The following ARHGEF5 variants were observed in gnomAD, a reference collection of about 807,000 sequenced individuals.
ARHGEF5 encodes Rho guanine nucleotide exchange factor (GEF) 5.
Under a neutral mutation model 104.0 loss-of-function variants are expected in ARHGEF5, and 11 were observed. That is an observed-to-expected ratio of 0.11 (90% CI 0.07 to 0.18). ARHGEF5 has a LOEUF of 0.18. Among genes scored for constraint, ARHGEF5 ranks in the 10% least tolerant of loss-of-function variants. The pLI is 1.00. For synonymous variants in ARHGEF5, 60 were observed against 512.2 expected (o/e 0.12, Z 11.92); for missense variants, 165 against 1,335.4 (o/e 0.12, Z 13.66).
chr7:144,366,915 G>A lies in ARHGEF5; in HGVS notation c.3277+5G>A, dbSNP rs1444600176. 5.1e-6 allele frequency: 2 copies of A among 392,582 alleles called. 1 individual carries two copies. Among genetic ancestry groups the A allele is most frequent in the Non-Finnish European group, 7.5e-6 (2 of 267,446 alleles). The allele number at this position is 392,582 out of a possible 1,614,324, so 24.3% of individuals were successfully genotyped here. A position where few individuals can be genotyped will look rare whatever the true frequency, so the allele number is the denominator to read the frequency against. On this transcript the variant is annotated splice_donor_5th_base_variant and intron_variant, in intron 4 of 14. Transcript: ENST00000056217. ...GCTCCAAACTCATCAACTCCTGTGAGTACCTTGAAGTGGAACTATAGAACC... is the reference window on the plus strand; with the variant it reads ...GCTCCAAACTCATCAACTCCTGTGAATACCTTGAAGTGGAACTATAGAACC...
At chr7:144,378,929 G>T in intron 14 of ARHGEF5, 63 bp downstream of exon 14, 2 of 1,464,870 alleles carry the variant, frequency 1.4e-6, no homozygotes, top group South Asian at 2.3e-5. Flanking sequence ...CTGGGAGTGT[G>T]TTCACTTCCT....
intron 1 of ARHGEF5, among the ~76,000 whole-genome samples, chr7:144,360,834 ACAT>A (rs2053632324): frequency 7.0e-6 from 1 of 142,394 alleles, no homozygotes. Context: ...CAAAATACAC[ACAT>A]CATTATATAA....
intron 5 of ARHGEF5, among the ~76,000 whole-genome samples, chr7:144,370,460 G>A (rs1357239031): frequency 6.6e-6 from 1 of 151,304 alleles, no homozygotes; most frequent in African/African-American, 2.4e-5. Context: ...AATTTATTTA[G>A]TTTAGTTAGT....
At chr7:144,379,282 C>T (rs1012627462) in intron 14 of ARHGEF5, among the ~76,000 whole-genome samples, 1 of 152,086 alleles carries the variant, frequency 6.6e-6, no homozygotes, top group Non-Finnish European at 1.5e-5. Flanking sequence ...TGCAGTGGCG[C>T]AATCTTGGCT....
chr7:144,379,355 G>A (rs1214182737), intron 14 of ARHGEF5, among the ~76,000 whole-genome samples: 7 of 152,208 alleles, frequency 4.6e-5, no homozygotes, highest in South Asian at 2.1e-4. Flanking sequence ...AAGTAGCTGC[G>A]TGAGCCACCA....
chr7:144,360,829 TAC>T (rs1356284930), intron 1 of ARHGEF5, among the ~76,000 whole-genome samples: 1 of 141,802 alleles, frequency 7.1e-6, no homozygotes, highest in South Asian at 2.3e-4. Context: ...TAACTCAAAA[TAC>T]ACACATCATT....
chr7:144,380,036 C>G lies in ARHGEF5; in HGVS notation c.4774C>G (p.Leu1592Val), dbSNP rs1436036899. Reference protein sequence around the residue: ...AHRVKTAKLQLVEQQA With the variant: ...AHRVKTAKLQVVEQQA ...TCGAGTCAAGACTGCCAAACTACAG[C>G]TGGTGGAACAGCAAGCCTAAGTCTT... Residue 1592 changes from leucine (L) to valine (V), a missense_variant, in exon 15 of 15, where the codon CTG (leucine) becomes GTG (valine). By Grantham distance (32) the Leu-to-Val change is conservative (BLOSUM62 1). Transcript: ENST00000056217. 2 of 1,614,094 alleles carry G rather than the reference C, an allele frequency of 1.2e-6. No homozygotes were observed. The highest frequency in any genetic ancestry group is 1.7e-6 in the Non-Finnish European group (2 of 1,180,042).
At position 144,378,745 on chromosome 7, in the gene ARHGEF5, A is replaced by T; in HGVS notation, c.4532-17A>T. 6.2e-7 allele frequency: 1 copy of T among 1,606,968 alleles called. No homozygotes were observed. On this transcript the variant is annotated splice_polypyrimidine_tract_variant and intron_variant, in intron 13 of 14. Coordinates refer to ENST00000056217, the MANE Select transcript of ARHGEF5 (RefSeq NM_005435.4). ...CCTGCCTCTCCTAACCTCTCTTCACACTCTTCTCTTCCAAAGACTCCCCCC... is the reference window on the plus strand; with the variant it reads ...CCTGCCTCTCCTAACCTCTCTTCACTCTCTTCTCTTCCAAAGACTCCCCCC...
In ARHGEF5 at chr7:144,380,457, G is replaced by T. The variant is rs555905690; in HGVS notation, c.*401G>T. On this transcript the variant is annotated 3_prime_UTR_variant, in exon 15 of 15. Coordinates refer to ENST00000056217, the MANE Select transcript of ARHGEF5 (RefSeq NM_005435.4). ...CAGTCTCCTGGAGGGAGATGTTTAAGAGGGGTTAACACATCAGATGGGAGG... is the reference window on the plus strand; with the variant it reads ...CAGTCTCCTGGAGGGAGATGTTTAATAGGGGTTAACACATCAGATGGGAGG... 6 of 177,452 alleles carry T rather than the reference G, an allele frequency of 3.4e-5. No individual in the cohort carries two copies. The highest frequency in any genetic ancestry group is 2.7e-4 in the Admixed American group (5 of 18,546). The allele number at this position is 177,452 out of a possible 1,614,324, so 11.0% of individuals were successfully genotyped here.
In ARHGEF5 at chr7:144,379,956, A is replaced by G; in HGVS notation, c.4694A>G (p.Gln1565Arg). The G allele has an allele frequency of 6.2e-7, 1 of 1,614,210 alleles. No individual in the cohort carries two copies. The highest frequency in any genetic ancestry group is 8.5e-7 in the Non-Finnish European group (1 of 1,180,030). Residue 1565 changes from glutamine (Q) to arginine (R), a missense_variant, in exon 15 of 15, where the codon CAG (glutamine) becomes CGG (arginine). Gln to Arg is a conservative substitution (Grantham distance 43, BLOSUM62 1). Transcript: ENST00000056217. Reference sequence around the variant, plus strand: ...GAGCGAGGCTGGTTTCCTGTGCAGCAGGTGGAGTTCATTTCCAACCCAGAG... The same window carrying G: ...GAGCGAGGCTGGTTTCCTGTGCAGCGGGTGGAGTTCATTTCCAACCCAGAG... ...DGERGWFPVQ[Q>R]VEFISNPEVR... is the part of the protein sequence containing the mutation.
chr7:144,377,011 GA>G, intron 12 of ARHGEF5, 108 bp from the exon 13 acceptor site: 1 of 543,622 alleles, frequency 1.8e-6, no homozygotes, highest in Non-Finnish European at 3.2e-6. Flanking sequence ...GTGTTTGATA[GA>G]AGTCATGGAA....
At position 144,377,188 on chromosome 7, in the gene ARHGEF5, A is replaced by G. The variant is rs2053767212; in HGVS notation, c.4529A>G (p.Tyr1510Cys). Residue 1510 changes from tyrosine (Y) to cysteine (C), a missense_variant and splice_region_variant, in exon 13 of 15, where the codon TAC (tyrosine) becomes TGC (cysteine). Transcript: ENST00000056217. ...PREELDLLEC[Y>C]NSPQVQCLRA... ...GAGGAGTTGGACCTTCTGGAGTGTT[A>G]CAGTGAGTGAGGGTCTAAGAGGGAG... The G allele has an allele frequency of 2.0e-6, 3 of 1,473,900 alleles. No individual in the cohort carries two copies. The highest frequency in any genetic ancestry group is 2.8e-5 in the African/African-American group (2 of 70,576). The allele number at this position is 1,473,900 out of a possible 1,614,324, so 91.3% of individuals were successfully genotyped here. A position where few individuals can be genotyped will look rare whatever the true frequency, so the allele number is the denominator to read the frequency against.
chr7:144,378,796 G>T lies in ARHGEF5; in HGVS notation c.4566G>T (p.Lys1522Asn). Residue 1522 changes from lysine to asparagine, a missense_variant, in exon 14 of 15, where the codon AAG (lysine) becomes AAT (asparagine). Physicochemically the swap from Lys to Asn is moderately conservative, Grantham distance 94. Coordinates refer to ENST00000056217, the MANE Select transcript of ARHGEF5 (RefSeq NM_005435.4). ...AGGTACAGTGCCTTCGAGCCTACAA[G>T]CCCCGAGAGAATGATGAATTGGCAC... ...SPQVQCLRAY[K>N]PRENDELALE... The T allele has an allele frequency of 6.2e-7, 1 of 1,614,028 alleles. No individual in the cohort carries two copies. Among genetic ancestry groups the T allele is most frequent in the Non-Finnish European group, 8.5e-7 (1 of 1,179,982 alleles).
chr7:144,360,852 A>G (rs1449494505), intron 1 of ARHGEF5, among the ~76,000 whole-genome samples: 1 of 143,710 alleles, frequency 7.0e-6, no homozygotes, highest in Non-Finnish European at 1.5e-5. Context: ...ATATAATTAT[A>G]ATTGTATAAA....
In ARHGEF5 at chr7:144,365,020, TG is replaced by T; in HGVS notation, c.2353del (p.Ala785ProfsTer61). 1.2e-6 allele frequency: 1 copy of T among 868,800 alleles called. No homozygotes were observed. Among genetic ancestry groups the T allele is most frequent in the Non-Finnish European group, 1.8e-6 (1 of 563,902 alleles). 53.8% of individuals were successfully genotyped at this position (868,800 alleles called of 1,614,324 possible). A position where few individuals can be genotyped will look rare whatever the true frequency, so the allele number is the denominator to read the frequency against. Reference protein sequence around the residue: ...GPLPQASDPAVARQHRPLPST... With the variant: ...GPLPQASDPAXARQHRPLPST... ...CTTCCCCAAGCCTCTGACCCCGCTG[TG>T]GCCAGGCAGCACCGACCTCTGCCAT... On this transcript the variant is annotated frameshift_variant, in exon 2 of 15. Transcript: ENST00000056217. LOFTEE classifies it high-confidence loss of function.
In ARHGEF5 at chr7:144,360,412, A is replaced by C. The variant is rs555594738; in HGVS notation, c.-12-2246A>C. Among the ~76,000 whole-genome samples, 24 of 86,436 alleles carry C rather than the reference A, an allele frequency of 2.8e-4. 6 individuals carry two copies. Among genetic ancestry groups the C allele is most frequent in the African/African-American group, 8.7e-4 (21 of 24,274 alleles). 56.7% of individuals were successfully genotyped at this position (86,436 alleles called of 152,430 possible). On this transcript the variant is annotated intron_variant, in intron 1 of 14. Transcript: ENST00000056217. ...ATACATAAAGTGCATTGGGAAACTC[A>C]GTTTTTCATCTGTAAAATGGGCAGA...
chr7:144,371,362 ACTGTT>A, intron 6 of ARHGEF5, 41 bp downstream of exon 6: 1 of 1,417,808 alleles, frequency 7.1e-7, no homozygotes, highest in Non-Finnish European at 9.9e-7. Flanking sequence ...ACTCAGCCTC[ACTGTT>A]GTTAGGCTTT....
chr7:144,372,620 T>TCATTTCTTCCTGTTTCC (rs2053730793), intron 8 of ARHGEF5, 63 bp from the exon 9 acceptor site: 1 of 1,570,854 alleles, frequency 6.4e-7, no homozygotes, highest in African/African-American at 1.4e-5. Context: ...CAGCCCCCAA[T>TCATTTCTTCCTGTTTCC]CATTTCTTCC....
chr7:144,372,975 A>G (rs2053734079), intron 9 of ARHGEF5, among the ~76,000 whole-genome samples: 1 of 134,000 alleles, frequency 7.5e-6, no homozygotes, highest in Admixed American at 7.3e-5. Flanking sequence ...CCTCTCCACC[A>G]TCACCCCCCC....
Sources: gnomAD v4.1 joint callset for allele counts (sites outside exome capture counted in the v4.1 genomes callset) on GRCh38, gnomAD v4.1.1 for gene constraint, MANE v1.5 for transcripts, NCBI Gene and HGNC (gene_info 2026-07-23, HGNC 2026-07-21) for gene names.